Variants in ANGPTL5 observed in about 807,000 individuals in gnomAD.
ANGPTL5 encodes the protein angiopoietin like 5, also known as angiopoietin-related protein 5.
A neutral mutation model predicts 39.4 loss-of-function variants in ANGPTL5; 34 were observed. That is an observed-to-expected ratio of 0.86 (90% CI 0.66 to 1.15). The LOEUF is 1.15. Among genes scored for constraint, ANGPTL5 ranks in the 50% most tolerant of loss-of-function variants. The pLI, the probability that ANGPTL5 is intolerant of heterozygous loss-of-function variation, is 0.00. For synonymous variants in ANGPTL5, 146 were observed against 152.1 expected, an observed-to-expected ratio of 0.96 and a Z score of 0.29; for missense variants, 467 against 457.5, an observed-to-expected ratio of 1.02 and a Z score of -0.19.
chr11:101,901,401 G>A (rs1379250065), intron 6 of ANGPTL5, among the ~76,000 whole-genome samples: 1 of 152,028 alleles, frequency 6.6e-6, no homozygotes, highest in Admixed American at 6.6e-5. Context: ...TTTTCAGACT[G>A]GCATTTTCAG....
At chr11:101,894,051 G>A (rs979474224) in intron 8 of ANGPTL5, among the ~76,000 whole-genome samples, 17 of 152,278 alleles carry the variant, frequency 1.1e-4, no homozygotes, top group Middle Eastern at 6.8e-3. Context: ...TTAACAGCTT[G>A]TTAAAAATTG....
chr11:101,915,228 G>C, intron 1 of ANGPTL5: 1 of 1,604,068 alleles, frequency 6.2e-7, no homozygotes, highest in Non-Finnish European at 8.5e-7. Flanking sequence ...GGAGGAAGCC[G>C]GAGCTGCCAT....
chr11:101,895,675 T>C (rs932645354), intron 7 of ANGPTL5, among the ~76,000 whole-genome samples: 1 of 152,184 alleles, frequency 6.6e-6, no homozygotes, highest in Non-Finnish European at 1.5e-5. Context: ...AGGATCAATA[T>C]TTCCAAGACA....
chr11:101,915,228 G>A (rs2137071766), intron 1 of ANGPTL5: 13 of 1,604,068 alleles, frequency 8.1e-6, no homozygotes, highest in Non-Finnish European at 1.0e-5. Flanking sequence ...GGAGGAAGCC[G>A]GAGCTGCCAT....
At chr11:101,902,525 A>T in intron 6 of ANGPTL5, 96 bp downstream of exon 6, 1 of 1,016,446 alleles carries the variant, frequency 9.8e-7, no homozygotes, top group Non-Finnish European at 1.5e-6. Flanking sequence ...AGGAAAAATT[A>T]AATATTAAAA....
chr11:101,896,156 ATATTTATTTATTTATTTATT>A (rs55980962), intron 7 of ANGPTL5, among the ~76,000 whole-genome samples: 2,790 of 139,672 alleles, frequency 0.02, 87 homozygotes, highest in East Asian at 0.071. Context: ...CTGTAATCCT[ATATTTATTTATTTATTTATT>A]TATTTATTTA....
chr11:101,896,507 A>G (rs889972153), intron 7 of ANGPTL5, among the ~76,000 whole-genome samples: 4 of 151,906 alleles, frequency 2.6e-5, no homozygotes, highest in Non-Finnish European at 5.9e-5. Flanking sequence ...TCCCTCCTCT[A>G]GCCCCCACCC....
At chr11:101,906,836 C>T (rs1005871303) in intron 3 of ANGPTL5, among the ~76,000 whole-genome samples, 4 of 152,054 alleles carry the variant, frequency 2.6e-5, no homozygotes, top group South Asian at 4.1e-4. Flanking sequence ...AGCCATCTGT[C>T]TTAATAGGTC....
chr11:101,909,842 A>T (rs915865981), intron 1 of ANGPTL5, among the ~76,000 whole-genome samples: 1 of 152,238 alleles, frequency 6.6e-6, no homozygotes, highest in African/African-American at 2.4e-5. Context: ...CTCTGTAGCA[A>T]ACTGCAGCCT....
chr11:101,906,843 G>A (rs867116302), intron 3 of ANGPTL5, among the ~76,000 whole-genome samples: 1 of 151,830 alleles, frequency 6.6e-6, no homozygotes, highest in African/African-American at 2.4e-5. Context: ...TGTCTTAATA[G>A]GTCTAAAGCT....
rs115607430 is a variant in ANGPTL5 at position 101,898,282 on chromosome 11, T to A, written c.661+2148A>T. ...TTTCATGATACTGATTCTTCCTATT[T>A]ATGAGCATGGCATGTTTTTCCATTT... On this transcript the variant is annotated intron_variant, in intron 7 of 8. Transcript: ENST00000334289. 8.6e-3 allele frequency among the ~76,000 whole-genome samples: 1,311 copies of A among 152,276 alleles called. 9 individuals carry two copies. The highest frequency in any genetic ancestry group is 0.027 in the African/African-American group (1,126 of 41,560).
intron 1 of ANGPTL5, among the ~76,000 whole-genome samples, chr11:101,912,743 C>A (rs1416522484): frequency 6.6e-6 from 1 of 152,096 alleles, no homozygotes; most frequent in African/African-American, 2.4e-5. Flanking sequence ...CCAAGGGGAC[C>A]CTGGGAAAAC....
intron 7 of ANGPTL5, among the ~76,000 whole-genome samples, chr11:101,895,422 C>T (rs1439658145): frequency 6.6e-6 from 1 of 152,106 alleles, no homozygotes; most frequent in East Asian, 1.9e-4. Context: ...TACCTTAAGG[C>T]ATTTCAACAT....
Position 101,891,274 on chromosome 11 carries a change from T to A in ANGPTL5, c.*5A>T. 1 of 1,594,532 alleles carries A rather than the reference T, an allele frequency of 6.3e-7. No individual in the cohort carries two copies. The highest frequency in any genetic ancestry group is 1.1e-5 in the South Asian group (1 of 90,518). On this transcript the variant is annotated 3_prime_UTR_variant, in exon 9 of 9. Coordinates refer to ENST00000334289, the MANE Select transcript of ANGPTL5 (RefSeq NM_178127.5). The stretch of plus-strand genomic sequence containing the variant: ...GTAGAACTTGCATTACAATGTTAAA[T>A]GAGATTATTTAAAATATGGATTGTA...
intron 8 of ANGPTL5, among the ~76,000 whole-genome samples, chr11:101,894,288 T>A (rs1315456689): frequency 6.6e-6 from 1 of 152,248 alleles, no homozygotes; most frequent in Non-Finnish European, 1.5e-5. Flanking sequence ...TTGAATTTAG[T>A]GCTTTTTAAC....
At chr11:101,900,913 G>A (rs1281617364) in intron 6 of ANGPTL5, among the ~76,000 whole-genome samples, 3 of 150,454 alleles carry the variant, frequency 2.0e-5, no homozygotes, top group East Asian at 3.9e-4. Context: ...GTGCAGTGGC[G>A]CGATCCCGGC....
At chr11:101,892,100 C>T (rs191946875) in intron 8 of ANGPTL5, among the ~76,000 whole-genome samples, 1 of 152,258 alleles carries the variant, frequency 6.6e-6, no homozygotes, top group African/African-American at 2.4e-5. Context: ...CAAATGCCCT[C>T]AAGAAAAATT....
At chr11:101,913,312 G>A (rs923200812) in intron 1 of ANGPTL5, among the ~76,000 whole-genome samples, 2 of 152,152 alleles carry the variant, frequency 1.3e-5, no homozygotes, top group African/African-American at 4.8e-5. Context: ...ATGAACATGG[G>A]TCATATGTTA....
chr11:101,898,556 G>A (rs1195074870), intron 7 of ANGPTL5, among the ~76,000 whole-genome samples: 1 of 152,116 alleles, frequency 6.6e-6, no homozygotes, highest in Non-Finnish European at 1.5e-5. Context: ...TGAGGCAATG[G>A]GGTTTTCAAA....
Sources: gnomAD v4.1 joint callset for allele counts (sites outside exome capture counted in the v4.1 genomes callset) on GRCh38, gnomAD v4.1.1 for gene constraint, MANE v1.5 for transcripts, NCBI Gene and HGNC (gene_info 2026-07-23, HGNC 2026-07-21) for gene names.